The following CHST14 variants were observed in gnomAD, a reference collection of about 807,000 sequenced individuals.
CHST14 encodes carbohydrate (N-acetylgalactosamine 4-0) sulfotransferase 14.
CHST14 carries 13 observed loss-of-function variants against 22.7 expected under a neutral mutation model. That is an observed-to-expected ratio of 0.57 (90% CI 0.37 to 0.91). The LOEUF (loss-of-function observed/expected upper bound fraction) is 0.91, where lower values mean the gene tolerates loss of function less well. Ranked by LOEUF, CHST14 falls within the 40% of genes least tolerant of loss-of-function variation. The pLI is 0.01. For synonymous variants in CHST14, 233 were observed against 231.9 expected, an observed-to-expected ratio of 1.00 and a Z score of -0.04; for missense variants, 466 against 513.1, an observed-to-expected ratio of 0.91 and a Z score of 0.89.
chr15:40,472,103 GCTC>G lies in CHST14; in HGVS notation c.893_895del (p.Ser298del). The G allele has an allele frequency of 6.2e-7, 1 of 1,614,174 alleles. No individual in the cohort carries two copies. The highest frequency in any genetic ancestry group is 2.2e-5 in the East Asian group (1 of 44,870). On this transcript the variant is annotated inframe_deletion, in exon 1 of 1. Transcript: ENST00000306243. ...TGTGCCGTGCACTATGACTTTGTGG[GCTC>G]CTATGAGAGGCTGGAGGCTGATGCA...
rs777412011 is a variant in CHST14 at position 40,472,199 on chromosome 15, G to T, written c.986G>T (p.Arg329Leu). Residue 329 changes from arginine (R) to leucine (L), a missense_variant, in exon 1 of 1, where the codon CGG becomes CTG. Transcript: ENST00000306243. ...TTTCCAGCTCGCCAGGCCTGGTACC[G>T]GCCAGCCAGCCCCGAAAGCCTGCAT... is the stretch of plus-strand genomic sequence containing the variant. ...VRFPARQAWY[R>L]PASPESLHYH... 1.9e-6 allele frequency: 3 copies of T among 1,613,968 alleles called. No individual in the cohort carries two copies. The highest frequency in any genetic ancestry group is 1.6e-4 in the Middle Eastern group (1 of 6,084).
rs1004173028 is a variant in CHST14 at position 40,472,487 on chromosome 15, C to T, written c.*143C>T. The T allele has an allele frequency of 2.0e-6, 2 of 989,660 alleles. No individual in the cohort carries two copies. The highest frequency in any genetic ancestry group is 1.6e-5 in the African/African-American group (1 of 61,040). 61.3% of individuals were successfully genotyped at this position (989,660 alleles called of 1,614,324 possible). ...TGGCAGAGACTGCCCTCAGAAGTTC[C>T]TTGTCCAGGGTGGGCACCCACAGTG... On this transcript the variant is annotated 3_prime_UTR_variant, in exon 1 of 1. Transcript: ENST00000306243.
In CHST14 at chr15:40,472,115, G is replaced by C; in HGVS notation, c.902G>C (p.Arg301Thr). ...TATGACTTTGTGGGCTCCTATGAGA[G>C]GCTGGAGGCTGATGCAAATCAGGTG... ...VHYDFVGSYE[R>T]LEADANQVLE... The change falls in exon 1 of 1, where the codon AGG becomes ACG. Residue 301 changes from arginine (R) to threonine (T), a missense_variant. By Grantham distance (71) the Arg-to-Thr change is moderately conservative. Coordinates refer to ENST00000306243, the MANE Select transcript of CHST14 (RefSeq NM_130468.4). 6.2e-7 allele frequency: 1 copy of C among 1,614,202 alleles called. No individual in the cohort carries two copies. The highest frequency in any genetic ancestry group is 8.5e-7 in the Non-Finnish European group (1 of 1,180,046).
chr15:40,472,574 G>T lies in CHST14; in HGVS notation c.*230G>T. The T allele has an allele frequency of 1.8e-6, 1 of 566,782 alleles. No homozygotes were observed. The allele number at this position is 566,782 out of a possible 1,614,324, so 35.1% of individuals were successfully genotyped here. Reference sequence around the variant, plus strand: ...CCTCATTGGGGGGATCTCTTGGGGGGCAGACACCAGTTTGCCAATGAAGCA... The same window carrying T: ...CCTCATTGGGGGGATCTCTTGGGGGTCAGACACCAGTTTGCCAATGAAGCA... On this transcript the variant is annotated 3_prime_UTR_variant, in exon 1 of 1. Coordinates refer to ENST00000306243, the MANE Select transcript of CHST14 (RefSeq NM_130468.4).
rs1278245300 is a variant in CHST14, at chr15:40,471,811, C to A, written c.598C>A (p.Arg200Ser). 6.2e-7 allele frequency: 1 copy of A among 1,613,772 alleles called. No homozygotes were observed. The highest frequency in any genetic ancestry group is 8.5e-7 in the Non-Finnish European group (1 of 1,180,042). Residue 200 changes from arginine to serine, a missense_variant, in exon 1 of 1, where the codon CGC becomes AGC. Transcript: ENST00000306243. The surrounding 1 kb of genome is among the most constrained non-coding windows in gnomAD (Gnocchi z 6.4). ...FLADLRPEEIRYRLQHYFKFL... is the reference protein window; with the variant it reads ...FLADLRPEEISYRLQHYFKFL... Reference sequence around the variant, plus strand: ...GGCCGACCTGCGGCCTGAGGAGATTCGCTACCGCCTGCAGCACTACTTTAA... The same window carrying A: ...GGCCGACCTGCGGCCTGAGGAGATTAGCTACCGCCTGCAGCACTACTTTAA...
At position 40,472,190 on chromosome 15, in the gene CHST14, C is replaced by G. The variant is rs1234827728; in HGVS notation, c.977C>G (p.Ala326Gly). The G allele has an allele frequency of 2.5e-6, 4 of 1,614,136 alleles. No individual in the cohort carries two copies. Among genetic ancestry groups the G allele is most frequent in the East Asian group, 2.2e-5 (1 of 44,880 alleles). ...PPHVRFPARQ[A>G]WYRPASPESL... ...CACGTCCGATTTCCAGCTCGCCAGGCCTGGTACCGGCCAGCCAGCCCCGAA... is the reference window on the plus strand; with the variant it reads ...CACGTCCGATTTCCAGCTCGCCAGGGCTGGTACCGGCCAGCCAGCCCCGAA... Residue 326 changes from alanine to glycine, a missense_variant, in exon 1 of 1, where the codon GCC becomes GGC. Ala to Gly is a moderately conservative substitution (Grantham distance 60). Coordinates refer to ENST00000306243, the MANE Select transcript of CHST14 (RefSeq NM_130468.4).
At position 40,471,581 on chromosome 15, in the gene CHST14, C is replaced by T; in HGVS notation, c.368C>T (p.Pro123Leu). ...LRAVCGQPGM[P>L]RDPWDLPVGQ... ...GCGGTGTGCGGACAGCCAGGCATGC[C>T]CCGGGACCCCTGGGACTTGCCGGTG... Residue 123 changes from proline (P) to leucine (L), a missense_variant, in exon 1 of 1, where the codon CCC becomes CTC. Physicochemically the swap from Pro to Leu is moderately conservative, Grantham distance 98 (BLOSUM62 -3). Coordinates refer to ENST00000306243, the MANE Select transcript of CHST14 (RefSeq NM_130468.4). This position sits in a 1 kb window ranked among gnomAD's most constrained non-coding sequence, Gnocchi z 6.4. 1.2e-6 allele frequency: 2 copies of T among 1,610,714 alleles called. No homozygotes were observed. The highest frequency in any genetic ancestry group is 1.1e-5 in the South Asian group (1 of 91,048).
Position 40,471,146 on chromosome 15 carries a change from C to T in CHST14, c.-68C>T. 1.8e-5 allele frequency: 15 copies of T among 849,098 alleles called. No individual in the cohort carries two copies. Among genetic ancestry groups the T allele is most frequent in the Non-Finnish European group, 2.4e-5 (15 of 617,878 alleles). The allele number at this position is 849,098 out of a possible 1,614,324, so 52.6% of individuals were successfully genotyped here. A position where few individuals can be genotyped will look rare whatever the true frequency, so the allele number is the denominator to read the frequency against. The stretch of plus-strand genomic sequence containing the variant: ...TCCCAGACCCTCCTCCCGCCCCCAG[C>T]CCGAGCCCGCCTTCCAGGCCGCCCT... On this transcript the variant is annotated 5_prime_UTR_variant, in exon 1 of 1. Transcript: ENST00000306243. The surrounding 1 kb of genome is among the most constrained non-coding windows in gnomAD (Gnocchi z 6.4).
chr15:40,471,105 C>T lies in CHST14; in HGVS notation c.-109C>T. On this transcript the variant is annotated 5_prime_UTR_variant, in exon 1 of 1. Coordinates refer to ENST00000306243, the MANE Select transcript of CHST14 (RefSeq NM_130468.4). This position sits in a 1 kb window ranked among gnomAD's most constrained non-coding sequence, Gnocchi z 6.4. ...CCAGGGCTGTCCCCTGCCCTCCCCT[C>T]CCCAACTACCCCCGGTCCCAGACCC... The T allele has an allele frequency of 5.3e-6, 2 of 376,884 alleles. No homozygotes were observed. The highest frequency in any genetic ancestry group is 9.1e-6 in the Non-Finnish European group (2 of 220,524). The allele number at this position is 376,884 out of a possible 1,614,324, so 23.3% of individuals were successfully genotyped here.
chr15:40,471,949 A>G lies in CHST14; in HGVS notation c.736A>G (p.Arg246Gly). Residue 246 changes from arginine to glycine, a missense_variant, in exon 1 of 1, where the codon AGG becomes GGG. Transcript: ENST00000306243. The surrounding 1 kb of genome is among the most constrained non-coding windows in gnomAD (Gnocchi z 6.4). Reference protein sequence around the residue: ...RYGAEIVRRYRAGAGPSPAGD... With the variant: ...RYGAEIVRRYGAGAGPSPAGD... The stretch of plus-strand genomic sequence containing the variant: ...TGGGGCTGAGATAGTGAGGCGGTAC[A>G]GGGCTGGAGCGGGGCCCAGCCCTGC... 6.2e-7 allele frequency: 1 copy of G among 1,614,100 alleles called. No individual in the cohort carries two copies. Among genetic ancestry groups the G allele is most frequent in the Non-Finnish European group, 8.5e-7 (1 of 1,180,030 alleles).
Position 40,471,181 on chromosome 15 carries a change from C to T in CHST14, c.-33C>T. On this transcript the variant is annotated 5_prime_UTR_variant, in exon 1 of 1. Coordinates refer to ENST00000306243, the MANE Select transcript of CHST14 (RefSeq NM_130468.4). The surrounding 1 kb of genome is among the most constrained non-coding windows in gnomAD (Gnocchi z 6.4). ...CCTTCCAGGCCGCCCTCGGATCGGC[C>T]GGGCCCGCGCAGGCCCCCACCCCTT... is the stretch of plus-strand genomic sequence containing the variant. 1 of 1,304,880 alleles carries T rather than the reference C, an allele frequency of 7.7e-7. No homozygotes were observed. The highest frequency in any genetic ancestry group is 2.1e-5 in the South Asian group (1 of 48,398). The allele number at this position is 1,304,880 out of a possible 1,614,324, so 80.8% of individuals were successfully genotyped here.
Position 40,471,629 on chromosome 15 carries a change from G to C in CHST14, c.416G>C (p.Arg139Pro). Reference sequence around the variant, plus strand: ...GTGGGGCAGCGGCGCACCCTGCTGCGCCACATCCTCGTAAGTGACCGTTAC... The same window carrying C: ...GTGGGGCAGCGGCGCACCCTGCTGCCCCACATCCTCGTAAGTGACCGTTAC... ...LPVGQRRTLL[R>P]HILVSDRYRF... The change falls in exon 1 of 1, where the codon CGC becomes CCC. Residue 139 changes from arginine (R) to proline (P), a missense_variant. Physicochemically the swap from Arg to Pro is moderately radical, Grantham distance 103. Transcript: ENST00000306243. The surrounding 1 kb of genome is among the most constrained non-coding windows in gnomAD (Gnocchi z 6.4). The C allele has an allele frequency of 6.2e-7, 1 of 1,613,246 alleles. No homozygotes were observed. Among genetic ancestry groups the C allele is most frequent in the African/African-American group, 1.3e-5 (1 of 75,034 alleles).
chr15:40,471,364 G>C lies in CHST14; in HGVS notation c.151G>C (p.Val51Leu), dbSNP rs199749498. Residue 51 changes from valine to leucine, a missense_variant, in exon 1 of 1, where the codon GTG (valine) becomes CTG (leucine). Physicochemically the swap from Val to Leu is conservative, Grantham distance 32. Transcript: ENST00000306243. The surrounding 1 kb of genome is among the most constrained non-coding windows in gnomAD (Gnocchi z 6.4). ...LPSMLMFAVI[V>L]ASSGLLLMIE... The stretch of plus-strand genomic sequence containing the variant: ...GTCCATGCTGATGTTTGCGGTGATC[G>C]TGGCCTCCAGCGGGCTGCTGCTCAT... 150 of 1,555,088 alleles carry C rather than the reference G, an allele frequency of 9.6e-5. No homozygotes were observed. The East Asian group carries it at 2.9e-3, about 30-fold the overall frequency.
At position 40,471,244 on chromosome 15, in the gene CHST14, G is replaced by A. The variant is rs1447530551; in HGVS notation, c.31G>A (p.Ala11Thr). The A allele has an allele frequency of 4.8e-6, 7 of 1,444,678 alleles. No homozygotes were observed. Among genetic ancestry groups the A allele is most frequent in the South Asian group, 1.4e-5 (1 of 71,536 alleles). The allele number at this position is 1,444,678 out of a possible 1,614,324, so 89.5% of individuals were successfully genotyped here. MFPRPLTPLAAPNGAEPLGRA... is the reference protein window; with the variant it reads MFPRPLTPLATPNGAEPLGRA... Reference sequence around the variant, plus strand: ...CCCCCGCCCGCTGACCCCGCTGGCGGCCCCAAATGGCGCCGAGCCCCTGGG... The same window carrying A: ...CCCCCGCCCGCTGACCCCGCTGGCGACCCCAAATGGCGCCGAGCCCCTGGG... Residue 11 changes from alanine to threonine, a missense_variant, in exon 1 of 1, where the codon GCC becomes ACC. Ala to Thr is a moderately conservative substitution (Grantham distance 58). Coordinates refer to ENST00000306243, the MANE Select transcript of CHST14 (RefSeq NM_130468.4). This position sits in a 1 kb window ranked among gnomAD's most constrained non-coding sequence, Gnocchi z 6.4.
Position 40,471,792 on chromosome 15 carries a change from C to T in CHST14, c.579C>T (p.Asp193=), listed in dbSNP as rs768812784. 1 of 1,613,768 alleles carries T rather than the reference C, an allele frequency of 6.2e-7. No individual in the cohort carries two copies. Among genetic ancestry groups the T allele is most frequent in the East Asian group, 2.2e-5 (1 of 44,878 alleles). Residue 193 remains aspartate (D), a synonymous_variant, in exon 1 of 1, where the codon GAC becomes GAT. Coordinates refer to ENST00000306243, the MANE Select transcript of CHST14 (RefSeq NM_130468.4). This position sits in a 1 kb window ranked among gnomAD's most constrained non-coding sequence, Gnocchi z 6.4. ...DHRSDLVFLA[D]LRPEEIRYRL... ...GCAGTGACCTGGTGTTCCTGGCCGACCTGCGGCCTGAGGAGATTCGCTACC... is the reference window on the plus strand; with the variant it reads ...GCAGTGACCTGGTGTTCCTGGCCGATCTGCGGCCTGAGGAGATTCGCTACC...
Position 40,471,095 on chromosome 15 carries a change from G to T in CHST14, c.-119G>T. ...CCTACACGCGCCAGGGCTGTCCCCTGCCCTCCCCTCCCCAACTACCCCCGG... is the reference window on the plus strand; with the variant it reads ...CCTACACGCGCCAGGGCTGTCCCCTTCCCTCCCCTCCCCAACTACCCCCGG... On this transcript the variant is annotated 5_prime_UTR_variant, in exon 1 of 1. Coordinates refer to ENST00000306243, the MANE Select transcript of CHST14 (RefSeq NM_130468.4). The surrounding 1 kb of genome is among the most constrained non-coding windows in gnomAD (Gnocchi z 6.4). 2 of 369,224 alleles carry T rather than the reference G, an allele frequency of 5.4e-6. No individual in the cohort carries two copies. The highest frequency in any genetic ancestry group is 5.0e-5 in the South Asian group (1 of 20,022). The allele number at this position is 369,224 out of a possible 1,614,324, so 22.9% of individuals were successfully genotyped here. A position where few individuals can be genotyped will look rare whatever the true frequency, so the allele number is the denominator to read the frequency against.
At position 40,471,663 on chromosome 15, in the gene CHST14, C is replaced by T; in HGVS notation, c.450C>T (p.Leu150=). 1 of 1,613,664 alleles carries T rather than the reference C, an allele frequency of 6.2e-7. No individual in the cohort carries two copies. The highest frequency in any genetic ancestry group is 1.1e-5 in the South Asian group (1 of 91,088). Residue 150 remains leucine (L), a synonymous_variant, in exon 1 of 1, where the codon CTC becomes CTT. Transcript: ENST00000306243. This position sits in a 1 kb window ranked among gnomAD's most constrained non-coding sequence, Gnocchi z 6.4. ...TCGTAAGTGACCGTTACCGCTTCCT[C>T]TACTGCTACGTCCCCAAGGTGGCCT... is the stretch of plus-strand genomic sequence containing the variant. ...HILVSDRYRF[L]YCYVPKVACS...
At position 40,471,883 on chromosome 15, in the gene CHST14, C is replaced by A. The variant is rs1894354337; in HGVS notation, c.670C>A (p.Arg224Ser). The A allele has an allele frequency of 1.2e-6, 2 of 1,613,950 alleles. No homozygotes were observed. The highest frequency in any genetic ancestry group is 8.5e-7 in the Non-Finnish European group (1 of 1,180,052). Reference protein sequence around the residue: ...EPLERLLSAYRNKFGEIREYQ... With the variant: ...EPLERLLSAYSNKFGEIREYQ... ...CTTGGAACGCCTCCTCTCTGCCTAC[C>A]GCAACAAGTTTGGCGAGATCCGAGA... The change falls in exon 1 of 1, where the codon CGC becomes AGC. Residue 224 changes from arginine to serine, a missense_variant. Physicochemically the swap from Arg to Ser is moderately radical, Grantham distance 110. Transcript: ENST00000306243. This position sits in a 1 kb window ranked among gnomAD's most constrained non-coding sequence, Gnocchi z 6.4.
chr15:40,472,082 C>G lies in CHST14; in HGVS notation c.869C>G (p.Ala290Gly). The G allele has an allele frequency of 1.2e-6, 2 of 1,614,190 alleles. No homozygotes were observed. The highest frequency in any genetic ancestry group is 2.2e-5 in the East Asian group (1 of 44,866). The part of the protein sequence containing the change: ...MPVYHLCQPC[A>G]VHYDFVGSYE... ...GTGTACCACCTGTGCCAGCCTTGTGCCGTGCACTATGACTTTGTGGGCTCC... is the reference window on the plus strand; with the variant it reads ...GTGTACCACCTGTGCCAGCCTTGTGGCGTGCACTATGACTTTGTGGGCTCC... Residue 290 changes from alanine (A) to glycine (G), a missense_variant, in exon 1 of 1, where the codon GCC (alanine) becomes GGC (glycine). Physicochemically the swap from Ala to Gly is moderately conservative, Grantham distance 60. Coordinates refer to ENST00000306243, the MANE Select transcript of CHST14 (RefSeq NM_130468.4).
Sources: gnomAD v4.1 joint callset for allele counts on GRCh38, gnomAD v4.1.1 for gene constraint, Gnocchi (gnomAD v3.1) non-coding constraint, MANE v1.5 for transcripts, NCBI Gene and HGNC (gene_info 2026-07-23, HGNC 2026-07-21) for gene names.